RIC3: variants seen among roughly 807,000 people sequenced by gnomAD.
RIC3 encodes the protein protein RIC-3.
A neutral mutation model predicts 27.3 loss-of-function variants in RIC3; 28 were observed. That is an observed-to-expected ratio of 1.02 (90% confidence interval 0.76 to 1.41). The LOEUF is 1.41. Ranked by LOEUF, RIC3 falls within the 40% of genes most tolerant of loss-of-function variation. RIC3 has a pLI of 0.00. For missense variants in RIC3, 501 were observed against 444.7 expected (o/e 1.13, Z -1.14); for synonymous variants, 184 against 160.4 (o/e 1.15, Z -1.11).
At chr11:8,155,367 G>C (rs577842207) in intron 1 of RIC3, among the ~76,000 whole-genome samples, 1 of 152,248 alleles carries the variant, frequency 6.6e-6, no homozygotes, top group South Asian at 2.1e-4. Context: ...CCTGAGGTCA[G>C]GGGTTCAAGA....
At chr11:8,100,736 C>G in the RIC3 span, 1 of 1,574,878 alleles carries the variant, frequency 6.3e-7, no homozygotes, top group Non-Finnish European at 8.7e-7. Context: ...TAGGGAAATC[C>G]AAGGACCCCC....
At chr11:8,134,516 T>C (rs950721897) in intron 4 of RIC3, among the ~76,000 whole-genome samples, 3 of 152,224 alleles carry the variant, frequency 2.0e-5, no homozygotes, top group Admixed American at 2.0e-4. Context: ...TACCCAGTAA[T>C]GGCATGGCTG....
At chr11:8,099,790 A>G in the RIC3 span, among the ~76,000 whole-genome samples, 3 of 151,924 alleles carry the variant, frequency 2.0e-5, no homozygotes, top group African/African-American at 7.2e-5. Flanking sequence ...TCTTGAGTAA[A>G]GACCAGAAGG....
downstream of RIC3, chr11:8,101,897 G>GC: frequency 2.2e-6 from 1 of 454,410 alleles, no homozygotes. Flanking sequence ...GGGTAGTAGT[G>GC]TGTTGTAGTC....
intron 5 of RIC3, among the ~76,000 whole-genome samples, chr11:8,123,562 T>A (rs1590132096): frequency 6.6e-6 from 1 of 152,190 alleles, no homozygotes; most frequent in South Asian, 2.1e-4. Context: ...ATCTTACGTA[T>A]ATTAAATGGA....
At chr11:8,138,135 T>C in intron 3 of RIC3, 137 bp downstream of exon 3, 1 of 593,836 alleles carries the variant, frequency 1.7e-6, no homozygotes, top group Non-Finnish European at 2.9e-6. Context: ...TTCCCAGAAC[T>C]AAGGCAAAAA....
chr11:8,097,932 G>T, the RIC3 span: 39 of 821,020 alleles, frequency 4.8e-5, no homozygotes, highest in Non-Finnish European at 7.4e-5. Flanking sequence ...GCCAGGGATG[G>T]ATACTCTCCC....
chr11:8,136,323 TAC>T (rs1427503165), intron 4 of RIC3, among the ~76,000 whole-genome samples: 8 of 152,312 alleles, frequency 5.3e-5, no homozygotes, highest in African/African-American at 1.9e-4. Flanking sequence ...GGGCAAAAAC[TAC>T]AGTGTGCTCA....
the RIC3 span, among the ~76,000 whole-genome samples, chr11:8,093,624 C>G: frequency 6.6e-6 from 1 of 152,274 alleles, no homozygotes; most frequent in Non-Finnish European, 1.5e-5. Context: ...TCGTAGGCTC[C>G]CTGGAGTGCT....
At chr11:8,098,700 G>A in the RIC3 span, 3 of 1,337,236 alleles carry the variant, frequency 2.2e-6, no homozygotes, top group South Asian at 2.4e-5. Flanking sequence ...ACGATGAGCT[G>A]TTCCCTGCTC....
At chr11:8,101,375 C>A, downstream of RIC3, 1 of 1,378,808 alleles carries the variant, frequency 7.3e-7, no homozygotes, top group South Asian at 1.3e-5. Flanking sequence ...CCTGGCATCT[C>A]TGCTTCTCAC....
In RIC3 at chr11:8,126,885, C is replaced by G. The variant is rs140788261; in HGVS notation, c.522-78G>C. On this transcript the variant is annotated intron_variant, in intron 4 of 5. Coordinates refer to ENST00000309737, the MANE Select transcript of RIC3 (RefSeq NM_001206671.4). ...GGACGTAAACATCACTATGGTCTGTCTGGGTACTGGAATAGAAAGTGCAAT... is the reference window on the plus strand; with the variant it reads ...GGACGTAAACATCACTATGGTCTGTGTGGGTACTGGAATAGAAAGTGCAAT... 8.5e-4 allele frequency: 1,318 copies of G among 1,552,786 alleles called. 12 individuals are homozygous for G. The African/African-American group carries it at 0.016, about 19-fold the overall frequency.
intron 2 of RIC3, 53 bp from the exon 3 acceptor site, chr11:8,138,400 C>T (rs561352839): frequency 2.2e-5 from 25 of 1,140,424 alleles, no homozygotes; most frequent in East Asian, 7.3e-5. Flanking sequence ...ACCTCAGTCA[C>T]GGAACCCCTC....
At chr11:8,097,939 T>C in the RIC3 span, 5 of 763,964 alleles carry the variant, frequency 6.5e-6, no homozygotes, top group South Asian at 1.7e-5. Flanking sequence ...ATGGATACTC[T>C]CCCAGGATCC....
chr11:8,120,642 G>A lies in RIC3; in HGVS notation c.670+6017C>T, dbSNP rs187198963. 1.8e-4 allele frequency among the ~76,000 whole-genome samples: 28 copies of A among 151,840 alleles called. No individual in the cohort carries two copies. In the South Asian group the frequency reaches 4.2e-3, roughly 23 times the overall value. On this transcript the variant is annotated intron_variant, in intron 5 of 5. Transcript: ENST00000309737. ...GTATACCTATGTAACAAACCTGCAC[G>A]TTGTACACATGTACCCTAGAACTTA...
intron 5 of RIC3, among the ~76,000 whole-genome samples, chr11:8,114,724 T>G (rs1382829549): frequency 6.6e-6 from 1 of 150,940 alleles, no homozygotes; most frequent in Non-Finnish European, 1.5e-5. Flanking sequence ...GAGAAACAAT[T>G]AAAGGAAACC....
intron 1 of RIC3, among the ~76,000 whole-genome samples, chr11:8,141,051 C>T (rs1298343640): frequency 6.7e-6 from 1 of 149,178 alleles, no homozygotes; most frequent in Non-Finnish European, 1.5e-5. Context: ...TGGAAAGGAA[C>T]AACCGGTACC....
the RIC3 span, among the ~76,000 whole-genome samples, chr11:8,093,191 G>A: frequency 5.3e-5 from 8 of 151,932 alleles, no homozygotes; most frequent in South Asian, 2.1e-4. Flanking sequence ...AGCGTCCCTC[G>A]GGAGGTGACA....
intron 5 of RIC3, among the ~76,000 whole-genome samples, chr11:8,115,242 A>G (rs1213922825): frequency 1.3e-5 from 2 of 152,062 alleles, no homozygotes; most frequent in East Asian, 3.8e-4. Flanking sequence ...CAGATTTATC[A>G]GCAGAAACCT....
Sources: allele counts gnomAD v4.1 joint callset (sites outside exome capture counted in the v4.1 genomes callset), GRCh38; gene constraint gnomAD v4.1.1; transcripts MANE v1.5; gene names NCBI Gene and HGNC (gene_info 2026-07-23, HGNC 2026-07-21).